Variants in ITSN2 observed in about 807,000 individuals in gnomAD.
ITSN2 encodes the protein intersectin-2.
In ITSN2, 156 loss-of-function variants were observed where a neutral mutation model predicts 243.7. The observed-to-expected ratio is 0.64, with a 90% CI of 0.56 to 0.73. ITSN2 has a LOEUF of 0.73. Ranked by LOEUF, ITSN2 falls within the 30% of genes least tolerant of loss-of-function variation. ITSN2 has a pLI of 0.00. For missense variants in ITSN2, 1,801 were observed against 1,996.1 expected (o/e 0.90, Z 1.86); for synonymous variants, 703 against 699.9 (o/e 1.00, Z -0.07).
chr2:24,340,804 G>A (rs1194769934), intron 1 of ITSN2, among the ~76,000 whole-genome samples: 1 of 152,020 alleles, frequency 6.6e-6, no homozygotes, highest in South Asian at 2.1e-4. Flanking sequence ...ACCCACATTT[G>A]GTAGTTATCA....
intron 18 of ITSN2, among the ~76,000 whole-genome samples, chr2:24,274,122 ATAAGG>A (rs1260358191): frequency 6.6e-6 from 1 of 152,250 alleles, no homozygotes; most frequent in East Asian, 1.9e-4. Flanking sequence ...AAGTTCTGAC[ATAAGG>A]ATTAGCTGTG....
In ITSN2 at chr2:24,293,693, G is replaced by T. The variant is rs952507792; in HGVS notation, c.1718C>A (p.Thr573Lys). 6 of 1,101,132 alleles carry T rather than the reference G, an allele frequency of 5.4e-6. No homozygotes were observed. In the Admixed American group the frequency reaches 1.5e-4, roughly 27 times the overall value. 68.2% of individuals were successfully genotyped at this position (1,101,132 alleles called of 1,614,324 possible). ...GACAAACCTTAGAGACTTACCAGGT[G>T]TGTTACTGAACTGCATGTTTTTAAT... ...ERIKNMQFSN[T>K]PDSGVSLLHK... The change falls in exon 15 of 40, where the codon ACA becomes AAA. Residue 573 changes from threonine to lysine, a missense_variant. This residue lies in a region of ITSN2 where 787 missense variants were observed against 803.9 expected (regional missense o/e 0.98). Transcript: ENST00000355123.
At chr2:24,288,498 G>A (rs889484288) in intron 15 of ITSN2, among the ~76,000 whole-genome samples, 3 of 151,990 alleles carry the variant, frequency 2.0e-5, no homozygotes, top group South Asian at 2.1e-4. Context: ...AACATAATGT[G>A]TATGTTAATT....
intron 1 of ITSN2, among the ~76,000 whole-genome samples, chr2:24,354,050 ATATT>A (rs1309909994): frequency 2.6e-5 from 4 of 152,246 alleles, no homozygotes; most frequent in African/African-American, 4.8e-5. Flanking sequence ...ATAAATGTGC[ATATT>A]TATTATGAAA....
At chr2:24,246,399 G>T in intron 28 of ITSN2, 79 bp from the exon 29 acceptor site, 1 of 737,478 alleles carries the variant, frequency 1.4e-6, no homozygotes, top group Non-Finnish European at 2.0e-6. Flanking sequence ...ATCTCCCTAG[G>T]ATTTAAATTA....
At chr2:24,265,780 T>C (rs1037562034) in intron 20 of ITSN2, among the ~76,000 whole-genome samples, 3 of 152,342 alleles carry the variant, frequency 2.0e-5, no homozygotes, top group South Asian at 4.1e-4. Flanking sequence ...AATAGTTATA[T>C]GACATTCTTT....
Position 24,205,302 on chromosome 2 carries a change from A to G in ITSN2, c.4679-5T>C. ...CTGAAGTCTTTTGGGAGCGGGCTAC[A>G]AAAGAGGAAGACAAGTCTCATTAAT... is the stretch of plus-strand genomic sequence containing the variant. On this transcript the variant is annotated splice_polypyrimidine_tract_variant and splice_region_variant and intron_variant, in intron 37 of 39. Coordinates refer to ENST00000355123, the MANE Select transcript of ITSN2 (RefSeq NM_006277.3). 6.2e-7 allele frequency: 1 copy of G among 1,612,752 alleles called. No homozygotes were observed. Among genetic ancestry groups the G allele is most frequent in the Non-Finnish European group, 8.5e-7 (1 of 1,178,814 alleles).
chr2:24,339,046 T>A (rs1686750981), intron 1 of ITSN2, among the ~76,000 whole-genome samples: 1 of 152,038 alleles, frequency 6.6e-6, no homozygotes, highest in Non-Finnish European at 1.5e-5. Flanking sequence ...GGCTCTGTTA[T>A]AAAGAAAGGA....
At chr2:24,281,784 C>T (rs1678814849) in intron 17 of ITSN2, among the ~76,000 whole-genome samples, 2 of 152,220 alleles carry the variant, frequency 1.3e-5, no homozygotes, top group Non-Finnish European at 2.9e-5. Flanking sequence ...CTCCTCACTA[C>T]CAGCTATAAA....
At chr2:24,222,668 CTTTTTTTTTTTTT>C (rs56149622) in intron 29 of ITSN2, among the ~76,000 whole-genome samples, 3 of 77,266 alleles carry the variant, frequency 3.9e-5, no homozygotes, top group African/African-American at 1.1e-4. Context: ...TTTTTCTTTT[CTTTTTTTTTTTTT>C]TTTTTTTTTT....
chr2:24,235,529 G>T (rs1282241665), intron 29 of ITSN2, among the ~76,000 whole-genome samples: 3 of 152,130 alleles, frequency 2.0e-5, no homozygotes, highest in African/African-American at 7.2e-5. Flanking sequence ...CAAATGTACT[G>T]CTCTGGTGGG....
intron 22 of ITSN2, among the ~76,000 whole-genome samples, 184 bp downstream of exon 22, chr2:24,260,922 A>AT: frequency 6.6e-6 from 1 of 151,640 alleles, no homozygotes. Flanking sequence ...AAAAAAAAAA[A>AT]TTGTTGAGAA....
At chr2:24,282,557 C>T (rs765577597) in intron 17 of ITSN2, among the ~76,000 whole-genome samples, 79 of 152,158 alleles carry the variant, frequency 5.2e-4, no homozygotes, top group Non-Finnish European at 1.1e-3. Flanking sequence ...CTGGGTAACA[C>T]GAACCGCCTA....
intron 2 of ITSN2, among the ~76,000 whole-genome samples, chr2:24,321,297 A>G (rs1336859714): frequency 6.6e-6 from 1 of 152,190 alleles, no homozygotes; most frequent in East Asian, 1.9e-4. Context: ...ATTTCTGCCA[A>G]TAAGGAATCA....
intron 3 of ITSN2, among the ~76,000 whole-genome samples, chr2:24,313,833 C>T (rs989158163): frequency 2.0e-5 from 3 of 152,186 alleles, no homozygotes; most frequent in African/African-American, 4.8e-5. Context: ...TTTAAAAACA[C>T]TATTCCCTAA....
chr2:24,320,338 T>C (rs1402453047), intron 2 of ITSN2, among the ~76,000 whole-genome samples: 3 of 149,974 alleles, frequency 2.0e-5, no homozygotes, highest in African/African-American at 4.9e-5. Context: ...GCTAACAAGG[T>C]GAAACCCCGT....
rs1276255624 is a variant in ITSN2 at position 24,209,949 on chromosome 2, T to G, written c.4342A>C (p.Lys1448Gln). The G allele has an allele frequency of 6.2e-7, 1 of 1,614,196 alleles. No homozygotes were observed. Among genetic ancestry groups the G allele is most frequent in the Non-Finnish European group, 8.5e-7 (1 of 1,180,002 alleles). The change falls in exon 35 of 40, where the codon AAG becomes CAG. Residue 1448 changes from lysine (K) to glutamine (Q), a missense_variant. By Grantham distance (53) the Lys-to-Gln change is moderately conservative. Coordinates refer to ENST00000355123, the MANE Select transcript of ITSN2 (RefSeq NM_006277.3). ...TTGAAGAGGAATCCGTGCAGTTCCTTGTTGCTCTTGGTCTTGTATAATTTC... is the reference window on the plus strand; with the variant it reads ...TTGAAGAGGAATCCGTGCAGTTCCTGGTTGCTCTTGGTCTTGTATAATTTC... The part of the protein sequence containing the change: ...SGKLYKTKSN[K>Q]ELHGFLFNDF...
chr2:24,271,767 T>C lies in ITSN2; in HGVS notation c.2256A>G (p.Lys752=). Residue 752 remains lysine (K), a splice_region_variant and synonymous_variant, in exon 19 of 40, where the codon AAA becomes AAG. Transcript: ENST00000355123. ...DKDTLKAEEK[K]RETASVLVNY... ...GTCTCAAAGTATCCTTATCCTTACG[T>C]TTTTTCTCCTCAGCTTTCAAAGTAT... The C allele has an allele frequency of 1.3e-6, 2 of 1,579,488 alleles. No individual in the cohort carries two copies. The highest frequency in any genetic ancestry group is 1.2e-5 in the South Asian group (1 of 82,454).
At chr2:24,221,321 A>C in intron 29 of ITSN2, 1 of 433,256 alleles carries the variant, frequency 2.3e-6, no homozygotes, top group Non-Finnish European at 4.1e-6. Flanking sequence ...TCTTTTCAGA[A>C]CTGTGCAGAG....
Sources: gnomAD v4.1 joint callset for allele counts (sites outside exome capture counted in the v4.1 genomes callset) on GRCh38, gnomAD v4.1.1 for gene constraint, gnomAD v4.1.1 regional missense constraint, MANE v1.5 for transcripts, NCBI Gene and HGNC (gene_info 2026-07-23, HGNC 2026-07-21) for gene names.